The following RNF180 variants were observed in gnomAD, a reference collection of about 807,000 sequenced individuals.
RNF180 encodes ring finger protein 180, also known as E3 ubiquitin-protein ligase RNF180.
RNF180 carries 38 observed loss-of-function variants against 59.2 expected under a neutral mutation model. The ratio of observed to expected loss-of-function variants is 0.64; its 90% CI spans 0.50 to 0.84. The LOEUF is 0.84. Among genes scored for constraint, RNF180 ranks in the 40% least tolerant of loss-of-function variants. The probability of loss-of-function intolerance (pLI) is 0.00; values close to 1 mark genes in which losing one functional copy is unlikely to be tolerated. For synonymous variants in RNF180, 262 were observed against 240.3 expected (o/e 1.09, Z -0.84); for missense variants, 705 against 700.9 (o/e 1.01, Z -0.07).
intron 5 of RNF180, among the ~76,000 whole-genome samples, chr5:64,282,048 T>C (rs1742039274): frequency 1.3e-5 from 2 of 152,192 alleles, no homozygotes; most frequent in African/African-American, 4.8e-5. Context: ...TCATCAAGGA[T>C]ATTGCCCTGA....
At chr5:64,195,524 T>C (rs1313241455) in intron 1 of RNF180, among the ~76,000 whole-genome samples, 1 of 152,214 alleles carries the variant, frequency 6.6e-6, no homozygotes, top group Non-Finnish European at 1.5e-5. Flanking sequence ...TTAATGTCAT[T>C]GATAAGTTCT....
chr5:64,332,761 G>A (rs549407610), intron 7 of RNF180, among the ~76,000 whole-genome samples: 13 of 152,234 alleles, frequency 8.5e-5, no homozygotes, highest in South Asian at 8.3e-4. Context: ...TGCAGTTTTC[G>A]TTATTTAACA....
chr5:64,295,217 G>C (rs150691810), intron 5 of RNF180, among the ~76,000 whole-genome samples: 24 of 152,224 alleles, frequency 1.6e-4, no homozygotes, highest in Admixed American at 1.3e-4. Flanking sequence ...TTGGCCACTT[G>C]TTCTGGCCTA....
chr5:64,204,534 T>C (rs1434010182), intron 2 of RNF180, among the ~76,000 whole-genome samples: 1 of 152,222 alleles, frequency 6.6e-6, no homozygotes. Context: ...TCTATTAGGA[T>C]GTTTTGTTTT....
intron 5 of RNF180, among the ~76,000 whole-genome samples, chr5:64,285,655 C>G (rs1742244066): frequency 6.6e-6 from 1 of 152,140 alleles, no homozygotes; most frequent in East Asian, 1.9e-4. Flanking sequence ...GTGTTGCAGG[C>G]AGACGCAGCT....
chr5:64,307,760 C>T (rs1334462590), intron 5 of RNF180, among the ~76,000 whole-genome samples: 1 of 151,684 alleles, frequency 6.6e-6, no homozygotes, highest in Admixed American at 6.6e-5. Flanking sequence ...ACAATTTTCA[C>T]GTAATGTATT....
chr5:64,268,911 A>G (rs533062574), intron 5 of RNF180, among the ~76,000 whole-genome samples: 2 of 152,136 alleles, frequency 1.3e-5, no homozygotes, highest in Non-Finnish European at 2.9e-5. Context: ...ATATTGATTC[A>G]TAGCACAGCA....
chr5:64,294,855 C>G (rs929610224), intron 5 of RNF180, among the ~76,000 whole-genome samples: 8 of 152,102 alleles, frequency 5.3e-5, no homozygotes, highest in South Asian at 4.1e-4. Context: ...GTAACAAATG[C>G]AGACACCTGT....
chr5:64,203,108 C>A (rs549699889), intron 2 of RNF180, among the ~76,000 whole-genome samples: 2 of 152,278 alleles, frequency 1.3e-5, no homozygotes, highest in South Asian at 4.1e-4. Context: ...AATTCTAGCA[C>A]TGCTGTAGGA....
At chr5:64,172,664 G>A (rs537802243) in intron 1 of RNF180, among the ~76,000 whole-genome samples, 1 of 152,272 alleles carries the variant, frequency 6.6e-6, no homozygotes, top group East Asian at 1.9e-4. Context: ...TCTGTTAACT[G>A]TTAATATGTA....
chr5:64,192,576 G>T (rs1751213834), intron 1 of RNF180, among the ~76,000 whole-genome samples: 1 of 152,030 alleles, frequency 6.6e-6, no homozygotes. Context: ...GGAGGCTGAG[G>T]CAGGAGAATC....
chr5:64,290,458 G>A (rs1003243423), intron 5 of RNF180, among the ~76,000 whole-genome samples: 3 of 152,128 alleles, frequency 2.0e-5, no homozygotes, highest in African/African-American at 7.2e-5. Context: ...AGTGATCTGT[G>A]TAATATTGTC....
intron 5 of RNF180, among the ~76,000 whole-genome samples, chr5:64,266,309 A>G (rs1744675273): frequency 6.6e-6 from 1 of 152,176 alleles, no homozygotes; most frequent in African/African-American, 2.4e-5. Context: ...AGGGTTGCCA[A>G]GGAAGTTCTG....
chr5:64,357,241 T>C (rs989371333), intron 7 of RNF180, among the ~76,000 whole-genome samples: 2 of 151,864 alleles, frequency 1.3e-5, no homozygotes, highest in African/African-American at 4.8e-5. Flanking sequence ...CTATTTTGCA[T>C]TAACTTTTTA....
At chr5:64,257,113 G>T (rs1744016310) in intron 5 of RNF180, among the ~76,000 whole-genome samples, 1 of 152,148 alleles carries the variant, frequency 6.6e-6, no homozygotes, top group South Asian at 2.1e-4. Context: ...CTGAGATGAT[G>T]GGGTTTTTTA....
chr5:64,309,151 C>T (rs768340080), intron 5 of RNF180, among the ~76,000 whole-genome samples: 67 of 151,542 alleles, frequency 4.4e-4, no homozygotes, highest in Non-Finnish European at 7.8e-4. Context: ...GGAACAAAGG[C>T]AAGGAATGTA....
At chr5:64,291,409 A>G (rs887096239) in intron 5 of RNF180, among the ~76,000 whole-genome samples, 2 of 117,506 alleles carry the variant, frequency 1.7e-5, no homozygotes, top group Non-Finnish European at 3.4e-5. Context: ...ATTCTGAAGT[A>G]TGTTTTCTTT....
intron 5 of RNF180, among the ~76,000 whole-genome samples, chr5:64,223,156 C>A (rs910139854): frequency 1.3e-5 from 2 of 152,154 alleles, no homozygotes; most frequent in African/African-American, 2.4e-5. Flanking sequence ...CTGTTCCTTT[C>A]TTTTTCCAGC....
At chr5:64,319,311 T>G (rs1448352668) in intron 5 of RNF180, among the ~76,000 whole-genome samples, 1 of 152,180 alleles carries the variant, frequency 6.6e-6, no homozygotes, top group African/African-American at 2.4e-5. Context: ...CTTTATTTCA[T>G]TTAAAAAAAT....
Sources: gnomAD v4.1 joint callset for allele counts (sites outside exome capture counted in the v4.1 genomes callset) on GRCh38, gnomAD v4.1.1 for gene constraint, MANE v1.5 for transcripts, NCBI Gene and HGNC (gene_info 2026-07-23, HGNC 2026-07-21) for gene names.